IPO11: variants seen among roughly 807,000 people sequenced by gnomAD.
IPO11 encodes the protein importin-11.
A neutral mutation model predicts 143.2 loss-of-function variants in IPO11; 66 were observed. The observed-to-expected ratio is 0.46, with a 90% CI of 0.38 to 0.57. IPO11 has a LOEUF of 0.57. Among genes scored for constraint, IPO11 ranks in the 20% least tolerant of loss-of-function variants. The pLI, the probability that IPO11 is intolerant of heterozygous loss-of-function variation, is 0.00. For missense variants in IPO11, 1,026 were observed against 1,141.0 expected (o/e 0.90, Z 1.45); for synonymous variants, 385 against 377.8 (o/e 1.02, Z -0.22).
At chr5:62,465,486 C>G (rs1483815283) in intron 5 of IPO11, among the ~76,000 whole-genome samples, 1 of 152,172 alleles carries the variant, frequency 6.6e-6, no homozygotes, top group South Asian at 2.1e-4. Flanking sequence ...ATGTTTGCTT[C>G]TCTGCTATAA....
chr5:62,465,265 A>G (rs928084706), intron 5 of IPO11, among the ~76,000 whole-genome samples: 2 of 152,208 alleles, frequency 1.3e-5, no homozygotes, highest in African/African-American at 4.8e-5. Context: ...AGGGTGTTGT[A>G]TATTACACAG....
At chr5:62,501,105 G>A (rs535007591) in intron 16 of IPO11, among the ~76,000 whole-genome samples, 2 of 152,206 alleles carry the variant, frequency 1.3e-5, no homozygotes, top group African/African-American at 2.4e-5. Context: ...ACTGTGGGAA[G>A]TACAGCTGGG....
intron 27 of IPO11, among the ~76,000 whole-genome samples, chr5:62,572,545 GTTTA>G (rs57028103): frequency 0.032 from 2,733 of 86,022 alleles, 25 homozygotes; most frequent in Middle Eastern, 0.073. Context: ...ATATTTGTTT[GTTTA>G]TTTATTTATT....
At chr5:62,490,608 G>A (rs1486217716) in intron 15 of IPO11, among the ~76,000 whole-genome samples, 1 of 152,296 alleles carries the variant, frequency 6.6e-6, no homozygotes, top group African/African-American at 2.4e-5. Flanking sequence ...GGAGACGGTA[G>A]AGTAGGATAT....
chr5:62,418,693 A>T (rs904904657), intron 1 of IPO11, among the ~76,000 whole-genome samples: 8 of 152,156 alleles, frequency 5.3e-5, no homozygotes, highest in African/African-American at 1.4e-4. Flanking sequence ...ACATGCTTTT[A>T]TCTAGAGACC....
At chr5:62,435,182 A>ATATATATGTGTATATATATG (rs1561309121) in intron 1 of IPO11, among the ~76,000 whole-genome samples, 1 of 101,056 alleles carries the variant, frequency 9.9e-6, no homozygotes, top group African/African-American at 4.5e-5. Context: ...GTATATATGT[A>ATATATATGTGTATATATATG]TATATATGTA....
chr5:62,598,407 T>G lies in IPO11; in HGVS notation c.2679-3357T>G, dbSNP rs1396501128. ...TGCTTGCTTGCTTTCTTTCTTTCTT[T>G]CTTTCTTTCTTTCTTTCTTTCTTTC... On this transcript the variant is annotated intron_variant, in intron 28 of 29. Transcript: ENST00000325324. Among the ~76,000 whole-genome samples, 65 of 10,500 alleles carry G rather than the reference T, an allele frequency of 6.2e-3. 5 individuals are homozygous for G. The highest frequency in any genetic ancestry group is 0.042 in the East Asian group (17 of 404). 6.9% of individuals were successfully genotyped at this position (10,500 alleles called of 152,430 possible).
At position 62,536,750 on chromosome 5, in the gene IPO11, A is replaced by T. The variant is rs937161997; in HGVS notation, c.2138A>T (p.Tyr713Phe). The stretch of plus-strand genomic sequence containing the variant: ...ACTTGCTTTAAGATCATCAATGGTT[A>T]TATCTTTTTATCATCAACAGAATTT... ...LRTCFKIING[Y>F]IFLSSTEFLQ... Residue 713 changes from tyrosine (Y) to phenylalanine (F), a missense_variant, in exon 23 of 30, where the codon TAT becomes TTT. Tyr to Phe is a conservative substitution (Grantham distance 22). Transcript: ENST00000325324. 1.3e-6 allele frequency: 2 copies of T among 1,571,184 alleles called. No homozygotes were observed. Among genetic ancestry groups the T allele is most frequent in the Non-Finnish European group, 1.7e-6 (2 of 1,164,504 alleles).
chr5:62,549,418 A>G (rs1305449441), intron 24 of IPO11, among the ~76,000 whole-genome samples: 2 of 152,214 alleles, frequency 1.3e-5, no homozygotes, highest in African/African-American at 4.8e-5. Context: ...ATTGGCACAC[A>G]GTAAGCAGAC....
At chr5:62,458,446 GC>G (rs1745238836) in intron 5 of IPO11, among the ~76,000 whole-genome samples, 1 of 152,118 alleles carries the variant, frequency 6.6e-6, no homozygotes, top group African/African-American at 2.4e-5. Flanking sequence ...GATTACAGGT[GC>G]ATGCCGCTAT....
intron 24 of IPO11, 136 bp from the exon 25 acceptor site, chr5:62,550,231 T>G: frequency 1.7e-6 from 1 of 572,730 alleles, no homozygotes; most frequent in South Asian, 2.6e-5. Context: ...TGTCAGAATA[T>G]TGCATACCCT....
At chr5:62,485,636 C>G (rs550040176) in intron 12 of IPO11, among the ~76,000 whole-genome samples, 174 bp downstream of exon 12, 2 of 151,798 alleles carry the variant, frequency 1.3e-5, no homozygotes, top group Non-Finnish European at 2.9e-5. Context: ...GCCAGAAATT[C>G]AAGACCGGCC....
chr5:62,531,593 G>A (rs1433425682), intron 22 of IPO11, among the ~76,000 whole-genome samples: 3 of 152,130 alleles, frequency 2.0e-5, no homozygotes, highest in East Asian at 1.9e-4. Context: ...CTCCCAAAGC[G>A]CTGGGATTAT....
At chr5:62,568,266 A>C (rs1331677205) in intron 27 of IPO11, among the ~76,000 whole-genome samples, 1 of 151,470 alleles carries the variant, frequency 6.6e-6, no homozygotes. Context: ...ACCCAGGCTG[A>C]CTGTATTTTC....
rs1580298669 is a variant in IPO11 at position 62,537,309 on chromosome 5, T to A, written c.2250+20T>A. ...CTCAAGGTATTGTGATCATTTTAAA[T>A]GAATATATTTATGAATTTTTCATTT... On this transcript the variant is annotated intron_variant, in intron 24 of 29. Coordinates refer to ENST00000325324, the MANE Select transcript of IPO11 (RefSeq NM_016338.5). 1 of 1,389,696 alleles carries A rather than the reference T, an allele frequency of 7.2e-7. No homozygotes were observed. Among genetic ancestry groups the A allele is most frequent in the East Asian group, 2.3e-5 (1 of 43,694 alleles). 86.1% of individuals were successfully genotyped at this position (1,389,696 alleles called of 1,614,324 possible). A position where few individuals can be genotyped will look rare whatever the true frequency, so the allele number is the denominator to read the frequency against.
At chr5:62,560,124 T>C (rs562929201) in intron 26 of IPO11, among the ~76,000 whole-genome samples, 1 of 152,162 alleles carries the variant, frequency 6.6e-6, no homozygotes, top group African/African-American at 2.4e-5. Context: ...CAGCATAGAC[T>C]ATAATTAGTG....
At chr5:62,569,317 G>A (rs935843100) in intron 27 of IPO11, among the ~76,000 whole-genome samples, 8 of 152,260 alleles carry the variant, frequency 5.3e-5, no homozygotes, top group Non-Finnish European at 7.4e-5. Context: ...GCCCTTTCTT[G>A]TTCTATGCTA....
intron 1 of IPO11, among the ~76,000 whole-genome samples, chr5:62,417,168 G>A (rs1429778865): frequency 1.3e-5 from 2 of 149,886 alleles, no homozygotes; most frequent in Non-Finnish European, 3.0e-5. Context: ...TTGTTACCTA[G>A]GCTGGCCTCA....
At chr5:62,512,607 A>AT (rs1741796302) in intron 19 of IPO11, 3 of 547,976 alleles carry the variant, frequency 5.5e-6, no homozygotes, top group Non-Finnish European at 3.2e-6. Context: ...TTTCTTTTTA[A>AT]TTTTATTTTT....
Sources: allele counts gnomAD v4.1 joint callset (sites outside exome capture counted in the v4.1 genomes callset), GRCh38; gene constraint gnomAD v4.1.1; transcripts MANE v1.5; gene names NCBI Gene and HGNC (gene_info 2026-07-23, HGNC 2026-07-21).